SEMA3A: variants seen among roughly 807,000 people sequenced by gnomAD.
SEMA3A encodes semaphorin 3A.
A neutral mutation model predicts 97.9 loss-of-function variants in SEMA3A; 29 were observed. That is an observed-to-expected ratio of 0.30 (90% confidence interval 0.22 to 0.40). The LOEUF is 0.40. Ranked by LOEUF, SEMA3A falls within the 10% of genes least tolerant of loss-of-function variation. The pLI is 1.00. For synonymous variants in SEMA3A, 321 were observed against 323.7 expected (o/e 0.99, Z 0.09); for missense variants, 763 against 951.3 (o/e 0.80, Z 2.60).
At position 84,387,074 on chromosome 7, in the gene SEMA3A, G is replaced by A. The variant is rs16887708; in HGVS notation, c.-245-15174C>T. 0.013 allele frequency among the ~76,000 whole-genome samples: 2,042 copies of A among 151,982 alleles called. 93 individuals carry two copies. The East Asian group carries it at 0.16, about 12-fold the overall frequency. ...GCTGTGTGATTTGGGGCCCAGAGAG[G>A]TTAAAAGAGATAATTTGTATAAACT... On this transcript the variant is annotated intron_variant, in intron 1 of 3. Coordinates refer to the SEMA3A transcript ENST00000424555.
chr7:84,125,990 A>G (rs140574405), intron 3 of SEMA3A, among the ~76,000 whole-genome samples: 42 of 152,302 alleles, frequency 2.8e-4, no homozygotes, highest in African/African-American at 1.0e-3. Context: ...ATTCAGAACA[A>G]TGAAACACTG....
intron 3 of SEMA3A, among the ~76,000 whole-genome samples, chr7:84,225,530 G>T (rs894462309): frequency 7.9e-5 from 12 of 152,106 alleles, no homozygotes; most frequent in African/African-American, 2.7e-4. Context: ...AACAAAGAAT[G>T]AATGCAGAAG....
intron 3 of SEMA3A, among the ~76,000 whole-genome samples, chr7:84,115,404 A>G (rs1372063379): frequency 6.6e-6 from 1 of 151,402 alleles, no homozygotes; most frequent in African/African-American, 2.4e-5. Context: ...CTCTATAAAC[A>G]TTTTTCTTTC....
At chr7:84,424,588 T>G (rs1253178518) in intron 1 of SEMA3A, among the ~76,000 whole-genome samples, 1 of 77,722 alleles carries the variant, frequency 1.3e-5, no homozygotes, top group Non-Finnish European at 2.0e-5. Context: ...ATATATTATA[T>G]ATAATATATA....
chr7:84,154,676 A>AG (rs1156822150), intron 1 of SEMA3A, among the ~76,000 whole-genome samples: 1 of 60,302 alleles, frequency 1.7e-5, no homozygotes, highest in East Asian at 5.4e-4. Flanking sequence ...ACTTAGTCTC[A>AG]GGGAAAAAAA....
intron 6 of SEMA3A, among the ~76,000 whole-genome samples, chr7:84,019,655 T>C (rs1791248291): frequency 6.6e-6 from 1 of 152,188 alleles, no homozygotes; most frequent in African/African-American, 2.4e-5. Flanking sequence ...ACTTTTTCAA[T>C]GGGTACATGT....
At chr7:84,114,445 C>A (rs1795363972) in intron 3 of SEMA3A, among the ~76,000 whole-genome samples, 3 of 151,980 alleles carry the variant, frequency 2.0e-5, no homozygotes, top group Non-Finnish European at 2.9e-5. Flanking sequence ...AGTGAGAATT[C>A]CTGTAAAAAG....
intron 1 of SEMA3A, among the ~76,000 whole-genome samples, chr7:84,417,874 T>G (rs1159725673): frequency 6.6e-6 from 1 of 152,122 alleles, no homozygotes; most frequent in East Asian, 1.9e-4. Flanking sequence ...ATGTATGTAT[T>G]TAACATTATA....
At chr7:84,261,410 A>C (rs987052851) in intron 3 of SEMA3A, among the ~76,000 whole-genome samples, 3 of 152,204 alleles carry the variant, frequency 2.0e-5, no homozygotes, top group African/African-American at 7.2e-5. Flanking sequence ...GGTGATGAGA[A>C]GGAAAAAAAA....
chr7:84,042,902 A>G (rs1474616680), intron 6 of SEMA3A, among the ~76,000 whole-genome samples: 2 of 152,242 alleles, frequency 1.3e-5, no homozygotes, highest in Admixed American at 6.5e-5. Flanking sequence ...AAATGTTAAG[A>G]TATCATTATG....
chr7:84,018,497 C>A (rs1356976532), intron 6 of SEMA3A, among the ~76,000 whole-genome samples: 1 of 151,976 alleles, frequency 6.6e-6, no homozygotes, highest in Non-Finnish European at 1.5e-5. Flanking sequence ...TTAAACTGAA[C>A]AACTGTTAAA....
At chr7:84,256,601 G>T (rs1328657994) in intron 3 of SEMA3A, among the ~76,000 whole-genome samples, 4 of 151,956 alleles carry the variant, frequency 2.6e-5, no homozygotes, top group Non-Finnish European at 5.9e-5. Context: ...CACACTCCAG[G>T]GTAGCAATGA....
intron 3 of SEMA3A, among the ~76,000 whole-genome samples, chr7:84,123,710 T>C (rs552804331): frequency 1.3e-5 from 2 of 148,478 alleles, no homozygotes; most frequent in East Asian, 3.9e-4. Flanking sequence ...ATATATTTTA[T>C]ATATATCAGA....
chr7:84,032,729 T>C (rs566964969), intron 6 of SEMA3A, among the ~76,000 whole-genome samples: 2 of 152,044 alleles, frequency 1.3e-5, no homozygotes, highest in East Asian at 3.9e-4. Flanking sequence ...TGAACTTTTC[T>C]AATTGTAATA....
chr7:84,262,938 C>A (rs1308829376), intron 3 of SEMA3A, among the ~76,000 whole-genome samples: 1 of 151,986 alleles, frequency 6.6e-6, no homozygotes. Flanking sequence ...CATGGATGAC[C>A]CATGGAAGAG....
At chr7:84,417,822 A>G (rs955494002) in intron 1 of SEMA3A, among the ~76,000 whole-genome samples, 14 of 152,168 alleles carry the variant, frequency 9.2e-5, no homozygotes, top group Admixed American at 8.5e-4. Flanking sequence ...TCATAAATTT[A>G]AATTGCAGGT....
intron 1 of SEMA3A, among the ~76,000 whole-genome samples, chr7:84,399,194 A>T (rs1803829341): frequency 6.6e-6 from 1 of 152,094 alleles, no homozygotes; most frequent in African/African-American, 2.4e-5. Flanking sequence ...GCAACACAAC[A>T]CAGGAAAAAA....
At chr7:84,251,436 C>T (rs1799606921) in intron 3 of SEMA3A, among the ~76,000 whole-genome samples, 1 of 152,108 alleles carries the variant, frequency 6.6e-6, no homozygotes, top group African/African-American at 2.4e-5. Flanking sequence ...TACACATGGT[C>T]AGAAGAACTA....
intron 3 of SEMA3A, among the ~76,000 whole-genome samples, chr7:84,270,524 A>G (rs768069281): frequency 4.7e-5 from 7 of 148,438 alleles, no homozygotes; most frequent in Non-Finnish European, 1.0e-4. Context: ...CTCTATATGC[A>G]TATATATGAA....
Sources: gnomAD v4.1 joint callset for allele counts (sites outside exome capture counted in the v4.1 genomes callset) on GRCh38, gnomAD v4.1.1 for gene constraint, MANE v1.5 for transcripts, NCBI Gene and HGNC (gene_info 2026-07-23, HGNC 2026-07-21) for gene names.